The following DLGAP2 variants were observed in gnomAD, a reference collection of about 807,000 sequenced individuals.
DLGAP2 encodes the protein DLG associated protein 2.
In DLGAP2, 26 loss-of-function variants were observed where a neutral mutation model predicts 100.3. The ratio of observed to expected loss-of-function variants is 0.26; its 90% CI spans 0.19 to 0.36. DLGAP2 has a LOEUF of 0.36. Among genes scored for constraint, DLGAP2 ranks in the 10% least tolerant of loss-of-function variants. The probability of loss-of-function intolerance (pLI) is 1.00; values close to 1 mark genes in which losing one functional copy is unlikely to be tolerated. For synonymous variants in DLGAP2, 886 were observed against 630.1 expected (o/e 1.41, Z -6.08); for missense variants, 1,858 against 1,453.2 (o/e 1.28, Z -4.53).
chr8:829,553 A>T (rs185585324), intron 1 of DLGAP2, among the ~76,000 whole-genome samples: 1 of 152,364 alleles, frequency 6.6e-6, no homozygotes, highest in Non-Finnish European at 1.5e-5. Context: ...GGTAAAAAGG[A>T]CCTTCAATCT....
chr8:1,499,289 G>C (rs1461628819), intron 3 of DLGAP2, among the ~76,000 whole-genome samples: 1 of 152,192 alleles, frequency 6.6e-6, no homozygotes, highest in East Asian at 1.9e-4. Flanking sequence ...GGGTGATGTT[G>C]GCCCATCCTT....
intron 1 of DLGAP2, among the ~76,000 whole-genome samples, chr8:747,088 G>A (rs530412580): frequency 2.0e-5 from 3 of 151,934 alleles, no homozygotes; most frequent in African/African-American, 7.3e-5. Context: ...AGCTGTCCTG[G>A]TTCTCGGGGG....
intron 1 of DLGAP2, among the ~76,000 whole-genome samples, chr8:864,892 C>T (rs1421531089): frequency 6.6e-6 from 1 of 152,152 alleles, no homozygotes; most frequent in South Asian, 2.1e-4. Context: ...ACAAATTATA[C>T]ACCTCCCTCT....
intron 2 of DLGAP2, among the ~76,000 whole-genome samples, chr8:1,079,767 T>C (rs1485484960): frequency 6.6e-6 from 1 of 152,128 alleles, no homozygotes; most frequent in Non-Finnish European, 1.5e-5. Flanking sequence ...CGATGAGAAG[T>C]GTCTGCAAGA....
intron 8 of DLGAP2, among the ~76,000 whole-genome samples, chr8:1,638,187 C>G (rs1797814150): frequency 6.6e-6 from 1 of 152,064 alleles, no homozygotes; most frequent in East Asian, 1.9e-4. Context: ...GTTGTGTTCC[C>G]CGGACTTGGT....
intron 3 of DLGAP2, among the ~76,000 whole-genome samples, chr8:1,499,392 T>C (rs1799642257): frequency 6.6e-6 from 1 of 152,170 alleles, no homozygotes; most frequent in Non-Finnish European, 1.5e-5. Flanking sequence ...GGGCCCATTG[T>C]TTTAGTTCAT....
chr8:1,571,739 A>G (rs1180551324), intron 6 of DLGAP2, among the ~76,000 whole-genome samples: 24 of 100,818 alleles, frequency 2.4e-4, no homozygotes, highest in Admixed American at 3.0e-4. Context: ...GATGAGATGG[A>G]GAGGAGAGAG....
chr8:998,209 C>T (rs548968282), intron 2 of DLGAP2, among the ~76,000 whole-genome samples: 4 of 152,348 alleles, frequency 2.6e-5, no homozygotes, highest in Admixed American at 2.6e-4. Flanking sequence ...CACACATACA[C>T]ATGCATGCAT....
intron 2 of DLGAP2, among the ~76,000 whole-genome samples, chr8:996,882 A>C (rs1800798424): frequency 6.6e-6 from 1 of 152,162 alleles, no homozygotes; most frequent in African/African-American, 2.4e-5. Context: ...ATAGATTTTA[A>C]AGCTGCCACC....
intron 2 of DLGAP2, among the ~76,000 whole-genome samples, chr8:1,229,386 C>T (rs1010768513): frequency 4.6e-5 from 7 of 151,700 alleles, no homozygotes; most frequent in African/African-American, 9.7e-5. Flanking sequence ...TTTTTATTAC[C>T]AATTCAGTTT....
intron 2 of DLGAP2, among the ~76,000 whole-genome samples, chr8:1,198,110 G>A (rs1032180303): frequency 6.8e-6 from 1 of 146,858 alleles, no homozygotes; most frequent in African/African-American, 2.7e-5. Context: ...GTGTGTGTAC[G>A]TGTGTGCGTG....
At chr8:830,152 T>A (rs1486752375) in intron 1 of DLGAP2, among the ~76,000 whole-genome samples, 2 of 152,210 alleles carry the variant, frequency 1.3e-5, no homozygotes, top group Non-Finnish European at 2.9e-5. Flanking sequence ...TTTTATTTAA[T>A]TTTTTAAGTT....
chr8:1,452,065 C>T (rs1319287073), intron 3 of DLGAP2, among the ~76,000 whole-genome samples: 1 of 152,278 alleles, frequency 6.6e-6, no homozygotes, highest in Non-Finnish European at 1.5e-5. Flanking sequence ...CGGATCTGAG[C>T]CATCTGTGAA....
intron 3 of DLGAP2, among the ~76,000 whole-genome samples, chr8:1,449,570 A>G (rs553636493): frequency 2.0e-5 from 3 of 151,974 alleles, no homozygotes; most frequent in Admixed American, 6.5e-5. Flanking sequence ...CTGCACCCAG[A>G]CCCCGTTCCT....
intron 3 of DLGAP2, among the ~76,000 whole-genome samples, chr8:1,432,052 C>T (rs1461376088): frequency 6.6e-6 from 1 of 151,994 alleles, no homozygotes; most frequent in Non-Finnish European, 1.5e-5. Context: ...GGGGCTGAAC[C>T]CTGCCGGCAC....
chr8:808,651 C>T (rs376415807), intron 1 of DLGAP2, among the ~76,000 whole-genome samples: 5 of 152,244 alleles, frequency 3.3e-5, no homozygotes, highest in East Asian at 1.9e-4. Flanking sequence ...AGCTCCTGCC[C>T]ACCCAGGGTG....
In DLGAP2 at chr8:1,678,437, G is replaced by A. The variant is rs749382240; in HGVS notation, c.2512G>A (p.Asp838Asn). ...TAGAGAAGACTATCGGACCCAAGTG[G>A]ACACCTCCACCCTGCCCCCTCCAGA... ...SYREDYRTQVDTSTLPPPDPW... is the reference protein window; with the variant it reads ...SYREDYRTQVNTSTLPPPDPW... The change falls in exon 12 of 15, where the codon GAC becomes AAC. Residue 838 changes from aspartate (D) to asparagine (N), a missense_variant. Coordinates refer to ENST00000637795, the MANE Select transcript of DLGAP2 (RefSeq NM_001346810.2). The A allele has an allele frequency of 3.7e-6, 6 of 1,613,486 alleles. No homozygotes were observed. Among genetic ancestry groups the A allele is most frequent in the South Asian group, 2.2e-5 (2 of 91,050 alleles).
Position 1,548,833 on chromosome 8 carries a change from G to T in DLGAP2, c.380G>T (p.Ser127Ile). 1 of 1,580,080 alleles carries T rather than the reference G, an allele frequency of 6.3e-7. No individual in the cohort carries two copies. The highest frequency in any genetic ancestry group is 8.6e-7 in the Non-Finnish European group (1 of 1,167,064). Reference protein sequence around the residue: ...RPPYLLSPADSCPGGRHRCSP... With the variant: ...RPPYLLSPADICPGGRHRCSP... ...CCCTACCTGCTGAGCCCCGCCGACA[G>T]CTGCCCCGGGGGGCGCCACCGCTGC... is the stretch of plus-strand genomic sequence containing the variant. Residue 127 changes from serine to isoleucine, a missense_variant, in exon 5 of 15, where the codon AGC becomes ATC. Ser to Ile is a moderately radical substitution (Grantham distance 142). Coordinates refer to ENST00000637795, the MANE Select transcript of DLGAP2 (RefSeq NM_001346810.2).
At chr8:1,364,085 C>T (rs541052418) in intron 3 of DLGAP2, among the ~76,000 whole-genome samples, 6 of 152,314 alleles carry the variant, frequency 3.9e-5, no homozygotes, top group South Asian at 2.1e-4. Context: ...GGTGCAGACC[C>T]CACCTTTGGG....
Sources: allele counts gnomAD v4.1 joint callset (sites outside exome capture counted in the v4.1 genomes callset), GRCh38; gene constraint gnomAD v4.1.1; transcripts MANE v1.5; gene names NCBI Gene and HGNC (gene_info 2026-07-23, HGNC 2026-07-21).